COQ5: variants seen among roughly 807,000 people sequenced by gnomAD.
COQ5 encodes the protein 2-methoxy-6-polyprenyl-1,4-benzoquinol methylase, mitochondrial.
COQ5 carries 27 observed loss-of-function variants against 40.5 expected under a neutral mutation model. The ratio of observed to expected loss-of-function variants is 0.67; its 90% confidence interval spans 0.49 to 0.92. The LOEUF (loss-of-function observed/expected upper bound fraction) is 0.92. Ranked by LOEUF, COQ5 falls within the 40% of genes least tolerant of loss-of-function variation. COQ5 has a pLI of 0.00. For synonymous variants in COQ5, 141 were observed against 150.0 expected (o/e 0.94, Z 0.44); for missense variants, 409 against 406.4 (o/e 1.01, Z -0.06).
In COQ5 at chr12:120,528,969, G is replaced by T; in HGVS notation, c.173C>A (p.Thr58Asn). The T allele has an allele frequency of 6.2e-7, 1 of 1,614,022 alleles. No homozygotes were observed. The highest frequency in any genetic ancestry group is 2.2e-5 in the East Asian group (1 of 44,886). Residue 58 changes from threonine (T) to asparagine (N), a missense_variant, in exon 1 of 7, where the codon ACT (threonine) becomes AAT (asparagine). Thr to Asn is a moderately conservative substitution (Grantham distance 65, BLOSUM62 0). Coordinates refer to ENST00000288532, the MANE Select transcript of COQ5 (RefSeq NM_032314.4). ...GCCCCCCTTCTCCTCTTCCGACACA[G>T]TCTCAAACCCAAAGTGCGTTTCCGC... The part of the protein sequence containing the change: ...RAAETHFGFE[T>N]VSEEEKGGKV...
intron 1 of COQ5, chr12:120,526,638 A>T (rs1565935148): frequency 3.3e-6 from 1 of 298,664 alleles, no homozygotes; most frequent in East Asian, 9.6e-5. Context: ...TTGCCAAGGC[A>T]TAGAAAAGAT....
At chr12:120,526,326 C>G (rs1869942648) in intron 1 of COQ5, 1 of 372,422 alleles carries the variant, frequency 2.7e-6, no homozygotes, top group Non-Finnish European at 5.4e-6. Context: ...GCTGATAATG[C>G]TGGAAGTGAA....
intron 1 of COQ5, chr12:120,523,930 A>C (rs1385232434): frequency 2.4e-6 from 1 of 424,098 alleles, no homozygotes; most frequent in East Asian, 9.0e-5. Flanking sequence ...GAATCACTGG[A>C]ACCTGGAAGG....
intron 2 of COQ5, among the ~76,000 whole-genome samples, chr12:120,520,750 G>A (rs1262448422): frequency 2.0e-5 from 3 of 151,884 alleles, no homozygotes; most frequent in East Asian, 1.9e-4. Flanking sequence ...GAGCCACCAC[G>A]CCCAGCCTCT....
intron 4 of COQ5, among the ~76,000 whole-genome samples, chr12:120,508,391 C>CA (rs955318208): frequency 3.4e-5 from 5 of 148,088 alleles, no homozygotes; most frequent in African/African-American, 1.2e-4. Flanking sequence ...CGTCTCCAAA[C>CA]AAAAAAAAAG....
intron 4 of COQ5, 38 bp from the exon 5 acceptor site, chr12:120,505,021 T>C: frequency 1.3e-6 from 2 of 1,527,912 alleles, no homozygotes; most frequent in South Asian, 2.2e-5. Context: ...CACTCCTCAG[T>C]AGACCTCACT....
intron 4 of COQ5, among the ~76,000 whole-genome samples, chr12:120,505,873 G>C (rs1868860757): frequency 6.8e-6 from 1 of 147,820 alleles, no homozygotes; most frequent in Admixed American, 6.8e-5. Context: ...TTGTTTTTTT[G>C]AGACAGAGTT....
intron 3 of COQ5, among the ~76,000 whole-genome samples, chr12:120,512,303 C>T (rs999797452): frequency 2.0e-5 from 3 of 151,452 alleles, no homozygotes; most frequent in African/African-American, 7.3e-5. Context: ...TAAATTAAAG[C>T]AGGATTACTA....
chr12:120,506,107 G>A (rs760981935), intron 4 of COQ5, among the ~76,000 whole-genome samples: 2 of 152,040 alleles, frequency 1.3e-5, no homozygotes, highest in African/African-American at 4.8e-5. Flanking sequence ...CACTCGTCTC[G>A]GCCTCACAAG....
At chr12:120,506,698 A>G (rs941792486) in intron 4 of COQ5, among the ~76,000 whole-genome samples, 4 of 151,994 alleles carry the variant, frequency 2.6e-5, no homozygotes, top group African/African-American at 7.3e-5. Flanking sequence ...TCCCTATCAC[A>G]GCCTTTCAAG....
chr12:120,510,320 T>A (rs1391143152), intron 3 of COQ5, among the ~76,000 whole-genome samples, 197 bp from the exon 4 acceptor site: 1 of 151,942 alleles, frequency 6.6e-6, no homozygotes, highest in South Asian at 2.1e-4. Context: ...ATCATTATTA[T>A]TTTTTTTAGA....
chr12:120,507,327 C>T (rs1343455488), intron 4 of COQ5, among the ~76,000 whole-genome samples: 2 of 151,278 alleles, frequency 1.3e-5, no homozygotes, highest in Non-Finnish European at 2.9e-5. Flanking sequence ...TTCTGTCGCC[C>T]AGGCTGGAGT....
At chr12:120,518,027 G>C (rs961234323) in intron 2 of COQ5, among the ~76,000 whole-genome samples, 3 of 151,936 alleles carry the variant, frequency 2.0e-5, no homozygotes, top group Non-Finnish European at 4.4e-5. Context: ...GGCTGGTCTC[G>C]AACTCTTGAC....
At chr12:120,521,914 T>A (rs1353481978) in intron 2 of COQ5, among the ~76,000 whole-genome samples, 3 of 151,944 alleles carry the variant, frequency 2.0e-5, no homozygotes, top group African/African-American at 7.3e-5. Flanking sequence ...GGAGAATTGC[T>A]TGAACCTGGG....
intron 1 of COQ5, chr12:120,526,590 T>C: frequency 2.8e-6 from 1 of 355,474 alleles, no homozygotes; most frequent in Non-Finnish European, 5.6e-6. Flanking sequence ...GGATAAAATA[T>C]CAGAAGTAGA....
chr12:120,520,992 GAAGAT>G (rs745366319), intron 2 of COQ5, among the ~76,000 whole-genome samples: 4 of 150,744 alleles, frequency 2.7e-5, no homozygotes, highest in East Asian at 2.0e-4. Flanking sequence ...AGGTTAAGCA[GAAGAT>G]AAAACAGTCA....
Position 120,516,632 on chromosome 12 carries a change from C to T in COQ5, c.509G>A (p.Cys170Tyr). ...DSLGGSRVVV[C>Y]DINKEMLKVG... is the part of the protein sequence containing the mutation. The stretch of plus-strand genomic sequence containing the variant: ...CTTTAGCATCTCCTTGTTGATGTCA[C>T]ACACCACGACACGAGACCCGCCCAA... Residue 170 changes from cysteine to tyrosine, a missense_variant, in exon 3 of 7, where the codon TGT (cysteine) becomes TAT (tyrosine). By Grantham distance (194) the Cys-to-Tyr change is radical (BLOSUM62 -2). Coordinates refer to ENST00000288532, the MANE Select transcript of COQ5 (RefSeq NM_032314.4). 1 of 1,614,210 alleles carries T rather than the reference C, an allele frequency of 6.2e-7. No individual in the cohort carries two copies. Among genetic ancestry groups the T allele is most frequent in the Non-Finnish European group, 8.5e-7 (1 of 1,180,050 alleles).
chr12:120,528,413 A>G (rs1245301202), intron 1 of COQ5, among the ~76,000 whole-genome samples: 1 of 152,102 alleles, frequency 6.6e-6, no homozygotes, highest in Non-Finnish European at 1.5e-5. Flanking sequence ...AATACCCACT[A>G]CTGGAATGTT....
At chr12:120,528,325 C>G (rs1870062545) in intron 1 of COQ5, among the ~76,000 whole-genome samples, 1 of 152,196 alleles carries the variant, frequency 6.6e-6, no homozygotes, top group East Asian at 1.9e-4. Context: ...GGTTCCGCCA[C>G]TTACTGATAT....
Sources: gnomAD v4.1 joint callset for allele counts (sites outside exome capture counted in the v4.1 genomes callset) on GRCh38, gnomAD v4.1.1 for gene constraint, MANE v1.5 for transcripts, NCBI Gene and HGNC (gene_info 2026-07-23, HGNC 2026-07-21) for gene names.